The following GHR variants were observed in gnomAD, a reference collection of about 807,000 sequenced individuals.
GHR encodes the protein growth hormone receptor, also known as GH receptor.
GHR carries 35 observed loss-of-function variants against 67.1 expected under a neutral mutation model. The observed-to-expected ratio is 0.52, with a 90% CI of 0.40 to 0.69. The LOEUF is 0.69. Among genes scored for constraint, GHR ranks in the 30% least tolerant of loss-of-function variants. The pLI is 0.00. For missense variants in GHR, 792 were observed against 764.6 expected (o/e 1.04, Z -0.42); for synonymous variants, 272 against 269.1 (o/e 1.01, Z -0.10).
At chr5:42,521,646 C>T (rs1383569847) in intron 1 of GHR, among the ~76,000 whole-genome samples, 1 of 152,140 alleles carries the variant, frequency 6.6e-6, no homozygotes, top group Admixed American at 6.6e-5. Context: ...ATCACTGAAG[C>T]CACACTTGGC....
chr5:42,713,430 T>C lies in GHR; in HGVS notation c.786T>C (p.Asp262=). 2 of 1,327,696 alleles carry C rather than the reference T, an allele frequency of 1.5e-6. No homozygotes were observed. The highest frequency in any genetic ancestry group is 1.1e-6 in the Non-Finnish European group (1 of 921,546). The allele number at this position is 1,327,696 out of a possible 1,614,324, so 82.2% of individuals were successfully genotyped here. The part of the protein sequence containing the change: ...PQMSQFTCEE[D]FYFPWLLIII... The stretch of plus-strand genomic sequence containing the variant: ...GCGAAATATTCTTGTGTGTTTCAGA[T>C]TTCTACTTTCCATGGCTCTTAATTA... Residue 262 remains aspartate (D), a splice_region_variant and synonymous_variant, in exon 8 of 10, where the codon GAT becomes GAC. Transcript: ENST00000230882.
chr5:42,486,748 G>A (rs777150158), intron 1 of GHR, among the ~76,000 whole-genome samples: 36 of 151,914 alleles, frequency 2.4e-4, no homozygotes, highest in Non-Finnish European at 4.3e-4. Context: ...TCGGGAGGCT[G>A]AGGCAGGAGA....
At chr5:42,659,896 C>T (rs1755480688) in intron 3 of GHR, among the ~76,000 whole-genome samples, 1 of 152,148 alleles carries the variant, frequency 6.6e-6, no homozygotes, top group African/African-American at 2.4e-5. Flanking sequence ...AATCGGGTCA[C>T]TCCCACCCTA....
At chr5:42,646,732 C>T (rs966707999) in intron 3 of GHR, among the ~76,000 whole-genome samples, 14 of 152,116 alleles carry the variant, frequency 9.2e-5, no homozygotes, top group Non-Finnish European at 1.8e-4. Context: ...ACTTGAGGTG[C>T]TTGGTGACGT....
intron 2 of GHR, among the ~76,000 whole-genome samples, chr5:42,605,466 C>T (rs975727976): frequency 2.0e-5 from 3 of 151,938 alleles, no homozygotes; most frequent in African/African-American, 7.3e-5. Flanking sequence ...TAGTGGCCCT[C>T]GGTAGGAATG....
At chr5:42,457,586 G>T (rs1744313897) in intron 1 of GHR, among the ~76,000 whole-genome samples, 1 of 152,204 alleles carries the variant, frequency 6.6e-6, no homozygotes, top group Non-Finnish European at 1.5e-5. Flanking sequence ...TAGGGGAAGT[G>T]AGATACATTA....
At chr5:42,627,029 T>G (rs908860897) in intron 2 of GHR, among the ~76,000 whole-genome samples, 1 of 152,202 alleles carries the variant, frequency 6.6e-6, no homozygotes, top group Non-Finnish European at 1.5e-5. Context: ...TTTCCTGTTT[T>G]TTATGCCATC....
chr5:42,468,036 C>T (rs1260574290), intron 1 of GHR: 1 of 827,374 alleles, frequency 1.2e-6, no homozygotes, highest in Non-Finnish European at 2.0e-6. Context: ...TAAGGATCAG[C>T]TTTCTGGATT....
chr5:42,581,160 A>G (rs1306762585), intron 2 of GHR, among the ~76,000 whole-genome samples: 1 of 152,212 alleles, frequency 6.6e-6, no homozygotes. Context: ...GATTGTTTAT[A>G]AGTCCAGAGT....
chr5:42,433,967 C>T (rs1207750850), intron 1 of GHR, among the ~76,000 whole-genome samples: 1 of 152,000 alleles, frequency 6.6e-6, no homozygotes, highest in Non-Finnish European at 1.5e-5. Flanking sequence ...GGAGTGGCCA[C>T]CCTGACCCTA....
intron 2 of GHR, among the ~76,000 whole-genome samples, chr5:42,614,393 CT>C (rs1311495141): frequency 6.6e-6 from 1 of 151,644 alleles, no homozygotes; most frequent in Non-Finnish European, 1.5e-5. Flanking sequence ...GCTTCTCAAA[CT>C]TTAAGGCACA....
chr5:42,439,009 T>A (rs531293365), intron 1 of GHR, among the ~76,000 whole-genome samples: 52 of 152,298 alleles, frequency 3.4e-4, no homozygotes, highest in African/African-American at 1.2e-3. Flanking sequence ...ATTGTTTTAA[T>A]TTTACTAAAT....
intron 3 of GHR, among the ~76,000 whole-genome samples, chr5:42,651,463 C>A (rs1430495750): frequency 6.6e-6 from 1 of 152,154 alleles, no homozygotes; most frequent in African/African-American, 2.4e-5. Flanking sequence ...AGGGGCCCTA[C>A]ATGAATAGGC....
chr5:42,576,048 A>AATAAAATAAAATAAAATAAAATAAAAT (rs1467900701), intron 2 of GHR, among the ~76,000 whole-genome samples: 2 of 54,398 alleles, frequency 3.7e-5, no homozygotes, highest in African/African-American at 2.8e-4. Flanking sequence ...AATTAAAATA[A>AATAAAATAAAATAAAATAAAATAAAAT]TAAAATAAAA....
rs35068598 is a variant in GHR, at chr5:42,477,151, C to T, written c.-12+53196C>T. Among the ~76,000 whole-genome samples, 928 of 150,724 alleles carry T rather than the reference C, an allele frequency of 6.2e-3. 3 individuals are homozygous for T. The highest frequency in any genetic ancestry group is 0.011 in the Admixed American group (172 of 15,034). On this transcript the variant is annotated intron_variant, in intron 1 of 9. Transcript: ENST00000230882. ...TGCGGTGTTTGGTTTTTTTTCCTTG[C>T]GATACTTTGCTGAGAATGATGGTTT...
chr5:42,485,493 A>G (rs1261296942), intron 1 of GHR, among the ~76,000 whole-genome samples: 2 of 152,134 alleles, frequency 1.3e-5, no homozygotes, highest in African/African-American at 2.4e-5. Context: ...ATCCAACTTT[A>G]CAGATGAGAA....
chr5:42,662,752 G>T (rs376562263), intron 3 of GHR, among the ~76,000 whole-genome samples: 3 of 152,108 alleles, frequency 2.0e-5, no homozygotes, highest in Non-Finnish European at 4.4e-5. Flanking sequence ...AAATAACTAA[G>T]ATCAGAGCAG....
At chr5:42,604,462 AAGTAGGTC>A (rs1044142677) in intron 2 of GHR, among the ~76,000 whole-genome samples, 20 of 152,194 alleles carry the variant, frequency 1.3e-4, no homozygotes, top group African/African-American at 4.8e-4. Flanking sequence ...CAATCAGACA[AAGTAGGTC>A]AGAGAATTTC....
intron 3 of GHR, among the ~76,000 whole-genome samples, chr5:42,640,143 A>G (rs73087471): frequency 0.026 from 3,930 of 152,274 alleles, 165 homozygotes; most frequent in African/African-American, 0.089. Context: ...AAGGTCCTGC[A>G]AAAGTCTTGT....
Sources: gnomAD v4.1 joint callset for allele counts (sites outside exome capture counted in the v4.1 genomes callset) on GRCh38, gnomAD v4.1.1 for gene constraint, MANE v1.5 for transcripts, NCBI Gene and HGNC (gene_info 2026-07-23, HGNC 2026-07-21) for gene names.